The following VSIG10 variants were observed in gnomAD, a reference collection of about 807,000 sequenced individuals.
VSIG10 encodes V-set and immunoglobulin domain containing 10, also known as V-set and immunoglobulin domain-containing protein 10.
In VSIG10, 48 loss-of-function variants were observed where a neutral mutation model predicts 58.7. That is an observed-to-expected ratio of 0.82 (90% CI 0.65 to 1.04). The LOEUF (loss-of-function observed/expected upper bound fraction) is 1.04, where lower values mean the gene tolerates loss of function less well. Among genes scored for constraint, VSIG10 ranks in the 50% least tolerant of loss-of-function variants. The probability of loss-of-function intolerance (pLI) is 0.00; values close to 1 mark genes in which losing one functional copy is unlikely to be tolerated. For synonymous variants in VSIG10, 260 were observed against 267.1 expected (o/e 0.97, Z 0.26); for missense variants, 628 against 670.0 (o/e 0.94, Z 0.69).
At position 118,065,292 on chromosome 12, in the gene VSIG10, C is replaced by A. The variant is rs1039220599; in HGVS notation, c.*1347G>T. On this transcript the variant is annotated 3_prime_UTR_variant, in exon 9 of 9. Coordinates refer to ENST00000359236, the MANE Select transcript of VSIG10 (RefSeq NM_019086.6). ...CGTTATTAAACGTGTCTCCTGCCTT[C>A]TTTGAAAGCAACAGGAGAAATGAAG... The A allele has an allele frequency of 6.6e-6, 1 of 152,250 alleles. No homozygotes were observed. Among genetic ancestry groups the A allele is most frequent in the African/African-American group, 2.4e-5 (1 of 41,462 alleles). 9.4% of individuals were successfully genotyped at this position (152,250 alleles called of 1,614,324 possible).
chr12:118,083,112 CACAAAAAAAA>C (rs2137904445), intron 2 of VSIG10, among the ~76,000 whole-genome samples: 1 of 51,524 alleles, frequency 1.9e-5, no homozygotes, highest in African/African-American at 8.7e-5. Flanking sequence ...GTCTCCGTCT[CACAAAAAAAA>C]AAAAAAAAAA....
chr12:118,091,883 G>A lies in VSIG10; in HGVS notation c.361+3650C>T, dbSNP rs950280516. 6.6e-5 allele frequency among the ~76,000 whole-genome samples: 10 copies of A among 151,782 alleles called. No individual in the cohort carries two copies. The South Asian group carries it at 1.5e-3, about 22-fold the overall frequency. ...AGCGATTCTCTTGCCTCAGCTTCCC[G>A]AGTAGCTGGGATTACAGGTGCACAC... On this transcript the variant is annotated intron_variant, in intron 2 of 8. Coordinates refer to ENST00000359236, the MANE Select transcript of VSIG10 (RefSeq NM_019086.6).
chr12:118,074,073 G>T (rs1476785557), intron 4 of VSIG10, 81 bp from the exon 5 acceptor site: 2 of 1,324,618 alleles, frequency 1.5e-6, no homozygotes, highest in Admixed American at 2.8e-5. Context: ...AACTGCAGTA[G>T]TTTTTTGTTT....
intron 2 of VSIG10, among the ~76,000 whole-genome samples, chr12:118,089,501 G>T (rs563881016): frequency 6.6e-6 from 1 of 152,176 alleles, no homozygotes; most frequent in African/African-American, 2.4e-5. Flanking sequence ...GACAGGAAGC[G>T]ATGACTAATT....
chr12:118,086,329 G>A (rs906061267), intron 2 of VSIG10, among the ~76,000 whole-genome samples: 10 of 151,664 alleles, frequency 6.6e-5, no homozygotes, highest in Admixed American at 3.9e-4. Context: ...TTATTCAGGC[G>A]TGGTAGTGGG....
intron 7 of VSIG10, 24 bp from the exon 8 acceptor site, chr12:118,068,621 A>T (rs1483920738): frequency 9.3e-6 from 14 of 1,506,996 alleles, no homozygotes; most frequent in Non-Finnish European, 1.2e-5. Flanking sequence ...GGGAAAAATA[A>T]TCAAGAAGAT....
chr12:118,092,524 T>A (rs1022224855), intron 2 of VSIG10, among the ~76,000 whole-genome samples: 1 of 152,192 alleles, frequency 6.6e-6, no homozygotes, highest in African/African-American at 2.4e-5. Context: ...ACCTCTGCCA[T>A]AGTTAGTAAC....
At chr12:118,085,831 C>A (rs1348263109) in intron 2 of VSIG10, among the ~76,000 whole-genome samples, 2 of 135,722 alleles carry the variant, frequency 1.5e-5, no homozygotes, top group African/African-American at 5.6e-5. Flanking sequence ...CACTCCTGGG[C>A]AACAGAGCGA....
intron 1 of VSIG10, among the ~76,000 whole-genome samples, chr12:118,099,704 G>C (rs1281293363): frequency 6.6e-6 from 1 of 152,144 alleles, no homozygotes; most frequent in Non-Finnish European, 1.5e-5. Context: ...ACTTAAAAAG[G>C]GTGAATTTTG....
intron 6 of VSIG10, 30 bp downstream of exon 6, chr12:118,071,329 G>T: frequency 1.3e-6 from 2 of 1,597,276 alleles, no homozygotes; most frequent in Non-Finnish European, 1.7e-6. Flanking sequence ...AAGTCTGGAA[G>T]AGAAGCTAAA....
At chr12:118,098,682 A>T (rs983475047) in intron 1 of VSIG10, among the ~76,000 whole-genome samples, 2 of 152,166 alleles carry the variant, frequency 1.3e-5, no homozygotes, top group Non-Finnish European at 2.9e-5. Context: ...CCAGGAAGCC[A>T]AACTGAGATC....
intron 5 of VSIG10, among the ~76,000 whole-genome samples, chr12:118,072,328 A>G (rs200871466): frequency 2.0e-5 from 3 of 147,338 alleles, no homozygotes; most frequent in Non-Finnish European, 4.5e-5. Flanking sequence ...AGCCGGGCAC[A>G]GCGGCGGGCG....
In VSIG10 at chr12:118,103,917, C is replaced by T; in HGVS notation, c.-246G>A. On this transcript the variant is annotated 5_prime_UTR_variant, in exon 1 of 9. Transcript: ENST00000359236. ...CTGGCCGGGGAGGGAGGGCGCACCC[C>T]GCCCCCTGCGCCCGCCAGCCTACTC... 5.1e-6 allele frequency: 2 copies of T among 395,724 alleles called. No individual in the cohort carries two copies. The highest frequency in any genetic ancestry group is 9.2e-5 in the Admixed American group (2 of 21,844). 24.5% of individuals were successfully genotyped at this position (395,724 alleles called of 1,614,324 possible).
intron 1 of VSIG10, among the ~76,000 whole-genome samples, chr12:118,099,867 C>A (rs543482494): frequency 6.6e-6 from 1 of 152,334 alleles, no homozygotes; most frequent in South Asian, 2.1e-4. Context: ...AGATCTGAAG[C>A]CAGCCTGGAG....
At chr12:118,085,958 AC>A (rs1355442220) in intron 2 of VSIG10, among the ~76,000 whole-genome samples, 2 of 150,256 alleles carry the variant, frequency 1.3e-5, no homozygotes, top group South Asian at 2.1e-4. Context: ...GGAGTTCAAG[AC>A]CCAGCCTGGC....
intron 1 of VSIG10, 125 bp downstream of exon 1, chr12:118,103,468 G>T (rs1725462757): frequency 5.0e-6 from 5 of 997,602 alleles, no homozygotes; most frequent in Admixed American, 3.9e-5. Context: ...ACCCTCCTGG[G>T]GCAGCTTCTA....
Position 118,094,903 on chromosome 12 carries a change from A to AT in VSIG10, c.361+629dup, listed in dbSNP as rs749324895. ...AGGCGTGCGCCACCATGCCTGGCGAATTTTTTTTTTTTTTTTTTTGAGACG... is the reference window on the plus strand; with the variant it reads ...AGGCGTGCGCCACCATGCCTGGCGAATTTTTTTTTTTTTTTTTTTTGAGACG... On this transcript the variant is annotated intron_variant, in intron 2 of 8. Transcript: ENST00000359236. Among the ~76,000 whole-genome samples, 260 of 124,864 alleles carry AT rather than the reference A, an allele frequency of 2.1e-3. 2 individuals carry two copies. The highest frequency in any genetic ancestry group is 2.6e-3 in the Non-Finnish European group (154 of 58,948). 81.9% of individuals were successfully genotyped at this position (124,864 alleles called of 152,430 possible).
In VSIG10 at chr12:118,079,589, G is replaced by T; in HGVS notation, c.682C>A (p.Pro228Thr). The T allele has an allele frequency of 5.0e-6, 8 of 1,613,966 alleles. No individual in the cohort carries two copies. Among genetic ancestry groups the T allele is most frequent in the Non-Finnish European group, 6.8e-6 (8 of 1,179,886 alleles). Residue 228 changes from proline to threonine, a missense_variant, in exon 4 of 9, where the codon CCC becomes ACC. Transcript: ENST00000359236. ...GATGCCATCTGTGCCCAGCACTGGG[G>T]AGCTGATGGAGGGGGATCTGCAAAA... ...LLVYYPPPSA[P>T]QCWAQMASGS...
rs770704331 is a variant in VSIG10, at chr12:118,068,378, T to C, written c.1566A>G (p.Gln522=). ...TTTGTTTAAGGAAAAAGAGCTTACC[T>C]TGAAGATCCTGGAATCCATTTCCCA... ...EQMGNGFQDL[Q]DDSSEEQSDI... The change falls in exon 8 of 9, where the codon CAA becomes CAG. Residue 522 remains glutamine, a splice_region_variant and synonymous_variant. Transcript: ENST00000359236. 1.2e-6 allele frequency: 2 copies of C among 1,612,740 alleles called. No homozygotes were observed. The highest frequency in any genetic ancestry group is 2.2e-5 in the East Asian group (1 of 44,846).
Sources: allele counts gnomAD v4.1 joint callset (sites outside exome capture counted in the v4.1 genomes callset), GRCh38; gene constraint gnomAD v4.1.1; transcripts MANE v1.5; gene names NCBI Gene and HGNC (gene_info 2026-07-23, HGNC 2026-07-21).